IL16: variants seen among roughly 807,000 people sequenced by gnomAD.
IL16 encodes the protein pro-interleukin-16.
In IL16, 67 loss-of-function variants were observed where a neutral mutation model predicts 110.1. The observed-to-expected ratio is 0.61, with a 90% CI of 0.50 to 0.75. The LOEUF (loss-of-function observed/expected upper bound fraction) is 0.75, where lower values mean the gene tolerates loss of function less well. Among genes scored for constraint, IL16 ranks in the 30% least tolerant of loss-of-function variants. The pLI is 0.00. For missense variants in IL16, 1,545 were observed against 1,655.0 expected (o/e 0.93, Z 1.15); for synonymous variants, 689 against 662.9 (o/e 1.04, Z -0.61).
rs539711156 is a variant in IL16 at position 81,299,671 on chromosome 15, G to C, written c.2345G>C (p.Gly782Ala). 1.2e-6 allele frequency: 2 copies of C among 1,614,210 alleles called. No individual in the cohort carries two copies. The highest frequency in any genetic ancestry group is 4.5e-5 in the East Asian group (2 of 44,884). The change falls in exon 14 of 19, where the codon GGT becomes GCT. Residue 782 changes from glycine to alanine, a missense_variant. Coordinates refer to ENST00000683961, the MANE Select transcript of IL16 (RefSeq NM_172217.5). Reference protein sequence around the residue: ...KSADSSTVKKGPPVAPKPAWF... With the variant: ...KSADSSTVKKAPPVAPKPAWF... ...GCAGACAGCAGCACTGTGAAGAAAGGTCCTCCTGTGGCTCCCAAGCCAGCC... is the reference window on the plus strand; with the variant it reads ...GCAGACAGCAGCACTGTGAAGAAAGCTCCTCCTGTGGCTCCCAAGCCAGCC...
chr15:81,287,953 C>G (rs148668802), intron 10 of IL16, among the ~76,000 whole-genome samples: 1 of 152,326 alleles, frequency 6.6e-6, no homozygotes, highest in Non-Finnish European at 1.5e-5. Context: ...TTTAGGACTA[C>G]GGCAGAAAAT....
At chr15:81,232,056 TTTTTTTTTTTC>T (rs1357154758) in intron 2 of IL16, among the ~76,000 whole-genome samples, 2 of 141,658 alleles carry the variant, frequency 1.4e-5, no homozygotes, top group African/African-American at 5.5e-5. Context: ...TTTTTTTTTT[TTTTTTTTTTTC>T]TTTTTTTTTT....
At chr15:81,301,088 C>T (rs1190771662) in intron 14 of IL16, among the ~76,000 whole-genome samples, 1 of 152,130 alleles carries the variant, frequency 6.6e-6, no homozygotes, top group Non-Finnish European at 1.5e-5. Flanking sequence ...GCCATAGGGT[C>T]CCTGCTGTAG....
chr15:81,218,049 A>G (rs1377262362), intron 1 of IL16, among the ~76,000 whole-genome samples: 1 of 152,170 alleles, frequency 6.6e-6, no homozygotes, highest in Non-Finnish European at 1.5e-5. Context: ...AACAAAATGA[A>G]ATAAGTGACC....
intron 15 of IL16, among the ~76,000 whole-genome samples, chr15:81,302,451 A>G (rs2141621635): frequency 6.6e-6 from 1 of 152,306 alleles, no homozygotes; most frequent in Non-Finnish European, 1.5e-5. Context: ...AGCCTTCTAC[A>G]AGGCAAGTAA....
chr15:81,290,602 A>C (rs1899667651), intron 11 of IL16, 62 bp downstream of exon 11: 7 of 1,113,706 alleles, frequency 6.3e-6, no homozygotes, highest in Non-Finnish European at 9.4e-6. Flanking sequence ...CTTAGGATTT[A>C]TCCATTAACT....
chr15:81,200,055 C>T (rs1210599009), intron 1 of IL16, among the ~76,000 whole-genome samples: 2 of 152,118 alleles, frequency 1.3e-5, no homozygotes, highest in Non-Finnish European at 2.9e-5. Context: ...GATTGAAAAT[C>T]AACTTAGCGG....
At chr15:81,266,588 C>G (rs1265942488) in intron 4 of IL16, among the ~76,000 whole-genome samples, 3 of 152,230 alleles carry the variant, frequency 2.0e-5, no homozygotes, top group African/African-American at 7.2e-5. Flanking sequence ...CACGCTGCCA[C>G]TTTTGGTCAC....
intron 2 of IL16, among the ~76,000 whole-genome samples, chr15:81,253,938 G>A (rs1276898427): frequency 6.6e-6 from 1 of 152,090 alleles, no homozygotes; most frequent in East Asian, 1.9e-4. Flanking sequence ...TCCATATCAG[G>A]AGATCTGTGG....
At chr15:81,258,072 A>G (rs573443792) in intron 2 of IL16, among the ~76,000 whole-genome samples, 21 of 152,322 alleles carry the variant, frequency 1.4e-4, no homozygotes, top group African/African-American at 4.6e-4. Flanking sequence ...AATAAAACCA[A>G]TATAACTCAA....
intron 1 of IL16, among the ~76,000 whole-genome samples, chr15:81,208,817 G>A (rs972558411): frequency 1.1e-4 from 17 of 152,126 alleles, no homozygotes; most frequent in African/African-American, 2.9e-4. Flanking sequence ...TTAATCTGCC[G>A]GGGTTGTGGT....
intron 6 of IL16, among the ~76,000 whole-genome samples, chr15:81,276,532 C>A (rs746881842): frequency 1.4e-4 from 21 of 152,140 alleles, no homozygotes; most frequent in Non-Finnish European, 2.4e-4. Flanking sequence ...AAGAGTTTCC[C>A]CTCAGTAAAG....
intron 1 of IL16, among the ~76,000 whole-genome samples, chr15:81,207,123 C>T (rs988839881): frequency 5.3e-5 from 8 of 151,620 alleles, no homozygotes; most frequent in African/African-American, 1.9e-4. Context: ...GTGGTCCCAG[C>T]TCCCCTGGGG....
chr15:81,279,332 C>CATCT (rs1023352182), intron 7 of IL16, among the ~76,000 whole-genome samples: 3 of 151,988 alleles, frequency 2.0e-5, no homozygotes, highest in Admixed American at 6.6e-5. Context: ...TCTATCCTTC[C>CATCT]ATCTATCTAT....
intron 18 of IL16, chr15:81,306,988 G>A: frequency 3.7e-6 from 1 of 271,570 alleles, no homozygotes; most frequent in Non-Finnish European, 7.2e-6. Flanking sequence ...ACTTTGTACT[G>A]CACACTTGGC....
At chr15:81,188,296 T>C in intron 1 of IL16, 1 of 455,846 alleles carries the variant, frequency 2.2e-6, no homozygotes, top group Non-Finnish European at 4.4e-6. Flanking sequence ...AGGGGGAGGG[T>C]ATAGACACAG....
At chr15:81,224,775 A>T (rs1896732256) in intron 1 of IL16, among the ~76,000 whole-genome samples, 1 of 152,118 alleles carries the variant, frequency 6.6e-6, no homozygotes, top group Non-Finnish European at 1.5e-5. Flanking sequence ...AGCTCCATGG[A>T]TTCTGGGGTT....
intron 2 of IL16, among the ~76,000 whole-genome samples, chr15:81,254,834 A>G (rs1230131126): frequency 6.6e-6 from 1 of 152,212 alleles, no homozygotes; most frequent in African/African-American, 2.4e-5. Context: ...CTTGCCAGAG[A>G]GAGACCAGAT....
At chr15:81,219,429 CTTTGGAGGT>C (rs1324465043) in intron 1 of IL16, among the ~76,000 whole-genome samples, 2 of 151,592 alleles carry the variant, frequency 1.3e-5, no homozygotes, top group Non-Finnish European at 2.9e-5. Flanking sequence ...TATAGCAGGC[CTTTGGAGGT>C]AATATATTAC....
Sources: gnomAD v4.1 joint callset for allele counts (sites outside exome capture counted in the v4.1 genomes callset) on GRCh38, gnomAD v4.1.1 for gene constraint, MANE v1.5 for transcripts, NCBI Gene and HGNC (gene_info 2026-07-23, HGNC 2026-07-21) for gene names.